The following LRBA variants were observed in gnomAD, a reference collection of about 807,000 sequenced individuals.
LRBA encodes the protein LPS responsive beige-like anchor protein, also known as lipopolysaccharide-responsive and beige-like anchor protein.
In LRBA, 176 loss-of-function variants were observed where a neutral mutation model predicts 330.0. The observed-to-expected ratio is 0.53, with a 90% CI of 0.47 to 0.60. The LOEUF is 0.60. Ranked by LOEUF, LRBA falls within the 20% of genes least tolerant of loss-of-function variation. The probability of loss-of-function intolerance (pLI) is 0.00; values close to 1 mark genes in which losing one functional copy is unlikely to be tolerated. For synonymous variants in LRBA, 1,230 were observed against 1,193.0 expected (o/e 1.03, Z -0.64); for missense variants, 3,259 against 3,444.8 (o/e 0.95, Z 1.35).
intron 42 of LRBA, 83 bp downstream of exon 42, chr4:150,487,649 G>A (rs948935400): frequency 2.4e-4 from 162 of 679,282 alleles, no homozygotes; most frequent in East Asian, 7.5e-4. Context: ...ACAGATTAAT[G>A]TTAATAAGAA....
chr4:150,351,530 A>C (rs996415917), intron 47 of LRBA, among the ~76,000 whole-genome samples: 28 of 152,226 alleles, frequency 1.8e-4, no homozygotes, highest in Non-Finnish European at 3.5e-4. Flanking sequence ...TCTACTAAAA[A>C]TACAAAAAAT....
Position 150,916,391 on chromosome 4 carries a change from G to A in LRBA, c.894+10C>T. The stretch of plus-strand genomic sequence containing the variant: ...TGTTAACATAACTATGACTCAAGAA[G>A]ATCATGTACCTTTTGTGGCTTGAAA... On this transcript the variant is annotated intron_variant, in intron 7 of 56. Transcript: ENST00000651943. 6.2e-7 allele frequency: 1 copy of A among 1,611,684 alleles called. No individual in the cohort carries two copies. Among genetic ancestry groups the A allele is most frequent in the Non-Finnish European group, 8.5e-7 (1 of 1,179,136 alleles).
At chr4:150,860,962 C>T (rs367844808) in intron 22 of LRBA, among the ~76,000 whole-genome samples, 1 of 152,118 alleles carries the variant, frequency 6.6e-6, no homozygotes, top group Non-Finnish European at 1.5e-5. Context: ...ATTGTATCAC[C>T]TACTATATAC....
chr4:150,615,551 G>C (rs1775691342), intron 37 of LRBA, among the ~76,000 whole-genome samples: 1 of 152,078 alleles, frequency 6.6e-6, no homozygotes, highest in African/African-American at 2.4e-5. Flanking sequence ...TGAGAGAAGA[G>C]GAGGCACTGA....
intron 46 of LRBA, among the ~76,000 whole-genome samples, chr4:150,433,207 G>C (rs928285825): frequency 3.3e-5 from 5 of 152,126 alleles, no homozygotes; most frequent in Admixed American, 2.6e-4. Context: ...TAAGGAAGAA[G>C]AAAGGTAAAG....
At chr4:150,456,648 T>G (rs1754110341) in intron 44 of LRBA, among the ~76,000 whole-genome samples, 1 of 152,146 alleles carries the variant, frequency 6.6e-6, no homozygotes, top group Admixed American at 6.6e-5. Flanking sequence ...TTTTATTGTT[T>G]CCTTTGCTGC....
At chr4:150,311,450 T>C (rs774401256) in intron 51 of LRBA, 3 of 152,168 alleles carry the variant, frequency 2.0e-5, no homozygotes, top group Non-Finnish European at 2.9e-5. Context: ...AATAACTATA[T>C]TAATGTGGGT....
chr4:150,601,612 A>G (rs1255408687), intron 37 of LRBA, among the ~76,000 whole-genome samples: 1 of 152,180 alleles, frequency 6.6e-6, no homozygotes, highest in South Asian at 2.1e-4. Flanking sequence ...TTGTTCACAT[A>G]ATAGAAATGA....
intron 35 of LRBA, among the ~76,000 whole-genome samples, chr4:150,736,836 C>T (rs1237006965): frequency 3.9e-5 from 6 of 152,118 alleles, no homozygotes; most frequent in South Asian, 2.1e-4. Context: ...TAGCAGACAG[C>T]GGGAGAGGCC....
intron 34 of LRBA, among the ~76,000 whole-genome samples, chr4:150,797,269 C>T (rs1378082754): frequency 2.0e-5 from 3 of 151,528 alleles, no homozygotes; most frequent in Non-Finnish European, 4.4e-5. Context: ...GCAAGTAAAC[C>T]ATGAGAGTTG....
intron 44 of LRBA, among the ~76,000 whole-genome samples, chr4:150,465,300 C>T (rs879571605): frequency 1.2e-4 from 19 of 152,066 alleles, no homozygotes; most frequent in Admixed American, 4.6e-4. Flanking sequence ...ACCCATTTAT[C>T]TGTCGATGGA....
intron 36 of LRBA, among the ~76,000 whole-genome samples, chr4:150,684,627 A>G (rs1483071682): frequency 6.6e-6 from 1 of 152,116 alleles, no homozygotes; most frequent in East Asian, 1.9e-4. Flanking sequence ...TGGAATTCGG[A>G]TACTTGTGGT....
intron 37 of LRBA, among the ~76,000 whole-genome samples, chr4:150,608,000 ACT>A (rs1774840143): frequency 6.6e-6 from 1 of 152,176 alleles, no homozygotes; most frequent in Admixed American, 6.5e-5. Flanking sequence ...GCGCCACTGC[ACT>A]CCAGCCTGGG....
chr4:150,741,691 A>G (rs1731997776), intron 35 of LRBA, among the ~76,000 whole-genome samples: 1 of 152,210 alleles, frequency 6.6e-6, no homozygotes. Context: ...AAAAAAAAGA[A>G]TCAATATTAT....
intron 31 of LRBA, among the ~76,000 whole-genome samples, chr4:150,816,608 G>A (rs1380466876): frequency 1.3e-5 from 2 of 151,812 alleles, no homozygotes; most frequent in African/African-American, 4.8e-5. Context: ...TATGACCATT[G>A]TTAGAATGAT....
At chr4:150,759,940 A>C (rs1172137668) in intron 35 of LRBA, among the ~76,000 whole-genome samples, 2 of 152,190 alleles carry the variant, frequency 1.3e-5, no homozygotes, top group Non-Finnish European at 2.9e-5. Context: ...AAATGTAACA[A>C]TAACATACAT....
intron 31 of LRBA, among the ~76,000 whole-genome samples, chr4:150,815,561 T>A (rs1252468773): frequency 6.6e-6 from 1 of 151,872 alleles, no homozygotes; most frequent in African/African-American, 2.4e-5. Flanking sequence ...TCTATTAATT[T>A]TTGGAAAAAA....
chr4:150,768,665 C>T (rs1262682046), intron 34 of LRBA, among the ~76,000 whole-genome samples: 1 of 151,892 alleles, frequency 6.6e-6, no homozygotes, highest in Non-Finnish European at 1.5e-5. Flanking sequence ...CAACTCATAC[C>T]CAGACATATA....
At chr4:150,344,256 T>A (rs1735978739) in intron 48 of LRBA, among the ~76,000 whole-genome samples, 1 of 152,240 alleles carries the variant, frequency 6.6e-6, no homozygotes, top group African/African-American at 2.4e-5. Flanking sequence ...TGTACAACTC[T>A]GTGAATATAC....
Sources: allele counts gnomAD v4.1 joint callset (sites outside exome capture counted in the v4.1 genomes callset), GRCh38; gene constraint gnomAD v4.1.1; transcripts MANE v1.5; gene names NCBI Gene and HGNC (gene_info 2026-07-23, HGNC 2026-07-21).